The following CLASP1 variants were observed in gnomAD, a reference collection of about 807,000 sequenced individuals.
CLASP1 encodes the protein CLIP-associating protein 1.
CLASP1 carries 38 observed loss-of-function variants against 192.3 expected under a neutral mutation model. The observed-to-expected ratio is 0.20, with a 90% CI of 0.15 to 0.26. The LOEUF (loss-of-function observed/expected upper bound fraction) is 0.26, where lower values mean the gene tolerates loss of function less well. CLASP1 is among the 10% of genes least tolerant of loss of function. CLASP1 has a pLI of 1.00. For missense variants in CLASP1, 1,433 were observed against 1,932.5 expected (o/e 0.74, Z 4.85); for synonymous variants, 691 against 712.8 (o/e 0.97, Z 0.49).
At chr2:121,462,887 T>C (rs945350711) in intron 9 of CLASP1, among the ~76,000 whole-genome samples, 1 of 152,158 alleles carries the variant, frequency 6.6e-6, no homozygotes, top group Admixed American at 6.6e-5. Context: ...GATTTAGATA[T>C]TGTATTAACA....
chr2:121,416,299 T>C (rs965543556), intron 23 of CLASP1, among the ~76,000 whole-genome samples: 1 of 152,216 alleles, frequency 6.6e-6, no homozygotes, highest in Non-Finnish European at 1.5e-5. Context: ...TAATTTCCCT[T>C]AATCAAAAAT....
intron 8 of CLASP1, among the ~76,000 whole-genome samples, chr2:121,487,573 C>A (rs759900442): frequency 6.6e-6 from 1 of 152,126 alleles, no homozygotes; most frequent in Non-Finnish European, 1.5e-5. Flanking sequence ...ACTTTGTTTT[C>A]AATGACCTTG....
intron 2 of CLASP1, among the ~76,000 whole-genome samples, chr2:121,598,678 A>G (rs1488757912): frequency 6.6e-6 from 1 of 152,170 alleles, no homozygotes; most frequent in African/African-American, 2.4e-5. Context: ...TTAGGATACC[A>G]CTATCTATTT....
intron 30 of CLASP1, among the ~76,000 whole-genome samples, chr2:121,396,718 G>C (rs2075335961): frequency 6.6e-6 from 1 of 152,152 alleles, no homozygotes; most frequent in Non-Finnish European, 1.5e-5. Flanking sequence ...GCTACGTATT[G>C]AAAGACGTTT....
intron 14 of CLASP1, among the ~76,000 whole-genome samples, chr2:121,453,750 G>T (rs2086042818): frequency 6.6e-6 from 1 of 152,232 alleles, no homozygotes; most frequent in Admixed American, 6.5e-5. Context: ...AATCACTGCT[G>T]TATCTGAACT....
At chr2:121,564,652 TTCA>T (rs976436007) in intron 2 of CLASP1, among the ~76,000 whole-genome samples, 2 of 152,180 alleles carry the variant, frequency 1.3e-5, no homozygotes, top group African/African-American at 4.8e-5. Context: ...AGCACACATT[TTCA>T]TCAACTTTTG....
chr2:121,412,989 C>A (rs1162787300), intron 23 of CLASP1, among the ~76,000 whole-genome samples: 1 of 152,118 alleles, frequency 6.6e-6, no homozygotes, highest in East Asian at 1.9e-4. Flanking sequence ...CTGGGCACGG[C>A]GGCTTTGCCT....
chr2:121,623,742 G>T (rs1170708083), intron 1 of CLASP1, among the ~76,000 whole-genome samples: 1 of 151,956 alleles, frequency 6.6e-6, no homozygotes, highest in African/African-American at 2.4e-5. Flanking sequence ...TATTTCTTTG[G>T]GAGGTTGAGG....
chr2:121,624,850 A>T (rs1162532487), intron 1 of CLASP1, among the ~76,000 whole-genome samples: 1 of 152,244 alleles, frequency 6.6e-6, no homozygotes. Context: ...AACCATCATC[A>T]TCATGATATG....
At chr2:121,483,248 G>A (rs901850140) in intron 8 of CLASP1, among the ~76,000 whole-genome samples, 1 of 152,152 alleles carries the variant, frequency 6.6e-6, no homozygotes, top group South Asian at 2.1e-4. Flanking sequence ...TGTACTCTCT[G>A]GCCATGAATT....
Position 121,393,356 on chromosome 2 carries a change from A to G in CLASP1, c.3123+3784T>C, listed in dbSNP as rs72828997. On this transcript the variant is annotated intron_variant, in intron 30 of 39. Coordinates refer to ENST00000263710, the Ensembl canonical transcript of CLASP1. ...CCAAGATTTCCTCAATCCCTGATAT[A>G]ACCTTTAAAAAACTCTGGAAATGAA... Among the ~76,000 whole-genome samples, 843 of 152,346 alleles carry G rather than the reference A, an allele frequency of 5.5e-3. 2 individuals carry two copies. The highest frequency in any genetic ancestry group is 9.0e-3 in the Non-Finnish European group (611 of 68,028).
rs72969338 is a variant in CLASP1 at position 121,477,623 on chromosome 2, C to T, written c.713-7663G>A. Reference sequence around the variant, plus strand: ...CATGCATAAAAACTGCTTTTTTGCACGCCAATATTTTTCTAGATCAATATT... The same window carrying T: ...CATGCATAAAAACTGCTTTTTTGCATGCCAATATTTTTCTAGATCAATATT... On this transcript the variant is annotated intron_variant, in intron 8 of 39. Coordinates refer to ENST00000263710, the Ensembl canonical transcript of CLASP1. 3.4e-3 allele frequency among the ~76,000 whole-genome samples: 517 copies of T among 152,170 alleles called. 3 individuals carry two copies. Among genetic ancestry groups the T allele is most frequent in the African/African-American group, 6.4e-3 (265 of 41,528 alleles).
intron 2 of CLASP1, among the ~76,000 whole-genome samples, chr2:121,565,681 C>CT (rs1432917635): frequency 1.3e-5 from 2 of 152,226 alleles, no homozygotes; most frequent in Admixed American, 1.3e-4. Context: ...AGCCCAGAGC[C>CT]TTTTTTCACT....
intron 19 of CLASP1, among the ~76,000 whole-genome samples, chr2:121,435,261 T>C (rs2082104393): frequency 1.3e-5 from 2 of 152,320 alleles, no homozygotes; most frequent in South Asian, 4.1e-4. Flanking sequence ...TTTGACTTTA[T>C]TTTTACTTCT....
chr2:121,414,451 A>G (rs1470888377), intron 23 of CLASP1, among the ~76,000 whole-genome samples: 4 of 152,148 alleles, frequency 2.6e-5, no homozygotes, highest in Non-Finnish European at 5.9e-5. Flanking sequence ...GCTCCAAACT[A>G]AGTATGCATC....
intron 2 of CLASP1, among the ~76,000 whole-genome samples, chr2:121,587,043 C>A (rs949098593): frequency 6.6e-6 from 1 of 151,920 alleles, no homozygotes; most frequent in Non-Finnish European, 1.5e-5. Context: ...TAGTTCAAGA[C>A]CAGCCTGGCC....
intron 19 of CLASP1, among the ~76,000 whole-genome samples, chr2:121,439,648 G>A (rs1045394103): frequency 4.6e-5 from 7 of 151,728 alleles, no homozygotes; most frequent in Non-Finnish European, 5.9e-5. Flanking sequence ...AGTTTATTGC[G>A]GCATTATTCA....
intron 2 of CLASP1, among the ~76,000 whole-genome samples, chr2:121,535,217 G>A (rs1390869326): frequency 6.6e-6 from 1 of 152,226 alleles, no homozygotes; most frequent in East Asian, 1.9e-4. Context: ...CTGGGAGGCG[G>A]AAGTTGCAGC....
intron 1 of CLASP1, among the ~76,000 whole-genome samples, chr2:121,647,882 T>C (rs567118796): frequency 6.6e-6 from 1 of 152,184 alleles, no homozygotes; most frequent in Non-Finnish European, 1.5e-5. Flanking sequence ...AACTCCTTCA[T>C]AAAAACTAAA....
Sources: allele counts gnomAD v4.1 joint callset (sites outside exome capture counted in the v4.1 genomes callset), GRCh38; gene constraint gnomAD v4.1.1; transcripts MANE v1.5; gene names NCBI Gene and HGNC (gene_info 2026-07-23, HGNC 2026-07-21).